TMPRSS9: variants seen among roughly 807,000 people sequenced by gnomAD.
The protein encoded by TMPRSS9 is transmembrane protease serine 9.
Under a neutral mutation model 111.4 loss-of-function variants are expected in TMPRSS9, and 113 were observed. The ratio of observed to expected loss-of-function variants is 1.01; its 90% confidence interval spans 0.87 to 1.19. The LOEUF (loss-of-function observed/expected upper bound fraction) is 1.19. TMPRSS9 is among the 50% of genes most tolerant of loss of function. TMPRSS9 has a pLI of 0.00. For missense variants in TMPRSS9, 1,803 were observed against 1,513.1 expected (o/e 1.19, Z -3.18); for synonymous variants, 805 against 659.1 (o/e 1.22, Z -3.39).
At chr19:2,372,072 G>A (rs1330243132) in intron 1 of TMPRSS9, among the ~76,000 whole-genome samples, 1 of 152,208 alleles carries the variant, frequency 6.6e-6, no homozygotes, top group Admixed American at 6.6e-5. Flanking sequence ...GGCCAGGCTG[G>A]TCTCAAACTC....
intron 1 of TMPRSS9, among the ~76,000 whole-genome samples, chr19:2,379,615 C>CTCTT (rs34251969): frequency 0.24 from 28,765 of 118,188 alleles, 3,648 homozygotes; most frequent in Admixed American, 0.26. Flanking sequence ...AACTTTCTTT[C>CTCTT]TCTTTCTTTC....
intron 12 of TMPRSS9, among the ~76,000 whole-genome samples, chr19:2,417,451 G>A: frequency 6.8e-6 from 1 of 147,676 alleles, no homozygotes; most frequent in South Asian, 2.1e-4. Flanking sequence ...GGGTGACAGA[G>A]CGAGACTCCC....
At position 2,421,968 on chromosome 19, in the gene TMPRSS9, C is replaced by T. The variant is rs567914070; in HGVS notation, c.2269C>T (p.Arg757Cys). ...GGTTAAGAAGCCGGGCGTGTACACG[C>T]GCATCACCAGGCTAAAGGGCTGGAT... is the stretch of plus-strand genomic sequence containing the variant. Residue 757 changes from arginine (R) to cysteine (C), a missense_variant, in exon 14 of 18, where the codon CGC (arginine) becomes TGC (cysteine). Arg to Cys is a radical substitution (Grantham distance 180). Coordinates refer to ENST00000648592, the Ensembl canonical transcript of TMPRSS9. The T allele has an allele frequency of 2.2e-5, 36 of 1,613,212 alleles. No individual in the cohort carries two copies. Among genetic ancestry groups the T allele is most frequent in the South Asian group, 1.5e-4 (14 of 91,092 alleles).
rs558396344 is a variant in TMPRSS9, at chr19:2,361,393, G to A, written c.-26+1033G>A. Among the ~76,000 whole-genome samples, 93 of 150,118 alleles carry A rather than the reference G, an allele frequency of 6.2e-4. 1 individual carries two copies. Among genetic ancestry groups the A allele is most frequent in the African/African-American group, 2.0e-3 (82 of 40,802 alleles). On this transcript the variant is annotated intron_variant, in intron 1 of 17. Transcript: ENST00000649857. Reference sequence around the variant, plus strand: ...GGGAGGGGGGGCTGGGGTGGGAGGCGGGGCTGGAGTGGGTGCCAGGCATCT... The same window carrying A: ...GGGAGGGGGGGCTGGGGTGGGAGGCAGGGCTGGAGTGGGTGCCAGGCATCT...
upstream of TMPRSS9, among the ~76,000 whole-genome samples, chr19:2,388,230 A>G (rs1431388042): frequency 6.6e-6 from 1 of 151,998 alleles, no homozygotes; most frequent in Non-Finnish European, 1.5e-5. Flanking sequence ...CCTCTCTACA[A>G]AAAACTTAAT....
chr19:2,376,862 G>A (rs1212623925), intron 1 of TMPRSS9, among the ~76,000 whole-genome samples: 2 of 152,078 alleles, frequency 1.3e-5, no homozygotes, highest in Non-Finnish European at 2.9e-5. Flanking sequence ...AGATTCTGCC[G>A]CCTGATTTCT....
chr19:2,372,251 A>T (rs1436761363), intron 1 of TMPRSS9, among the ~76,000 whole-genome samples: 2 of 151,900 alleles, frequency 1.3e-5, no homozygotes, highest in African/African-American at 4.8e-5. Flanking sequence ...CAGGCGGGCG[A>T]GTCTCCTCCT....
At chr19:2,396,614 G>C in exon 2 of TMPRSS9, 2 of 1,604,104 alleles carry the variant, frequency 1.2e-6, no homozygotes, top group Admixed American at 3.5e-5. Context: ...AGCAGTTTGC[G>C]GCGGGAGACC....
At chr19:2,376,584 C>G (rs540332986) in intron 1 of TMPRSS9, among the ~76,000 whole-genome samples, 5 of 152,168 alleles carry the variant, frequency 3.3e-5, no homozygotes, top group East Asian at 1.9e-4. Flanking sequence ...CTCAGCCTCT[C>G]GAGTAGCTGG....
chr19:2,417,935 C>G, intron 12 of TMPRSS9, 67 bp from the exon 14 acceptor site: 1 of 1,591,522 alleles, frequency 6.3e-7, no homozygotes, highest in Non-Finnish European at 8.6e-7. Context: ...GGGCTGTTAT[C>G]GGAGCGGAAC....
rs186629672 is a variant in TMPRSS9, at chr19:2,397,751, C to A, written c.271-1044C>A. Among the ~76,000 whole-genome samples the A allele has an allele frequency of 1.7e-3, 265 of 151,568 alleles. 3 individuals carry two copies. Among genetic ancestry groups the A allele is most frequent in the African/African-American group, 6.2e-3 (257 of 41,380 alleles). On this transcript the variant is annotated intron_variant, in intron 2 of 17. Transcript: ENST00000648592. ...CCTGAGCAACATGACAAAATCCCAC[C>A]ATTAGTAAAAACACAAAAATTAGCG...
rs1970860289 is a variant in TMPRSS9 at position 2,402,019 on chromosome 19, A to G, written c.556+3A>G. ...GGCAGAAAGAGACTTCAAATCAGGT[A>G]TGTTTTTCTCTCTGGCCTTTTCTCT... On this transcript the variant is annotated splice_donor_region_variant and intron_variant, in intron 5 of 17. Coordinates refer to ENST00000648592, the Ensembl canonical transcript of TMPRSS9. 6.2e-7 allele frequency: 1 copy of G among 1,607,540 alleles called. No individual in the cohort carries two copies. Among genetic ancestry groups the G allele is most frequent in the South Asian group, 1.1e-5 (1 of 90,962 alleles).
chr19:2,379,661 CT>C (rs1422812836), intron 1 of TMPRSS9, among the ~76,000 whole-genome samples: 3 of 148,910 alleles, frequency 2.0e-5, no homozygotes, highest in African/African-American at 7.5e-5. Flanking sequence ...TTCTTTCTTT[CT>C]TTCTTTCTTT....
chr19:2,425,346 C>T lies in TMPRSS9; in HGVS notation c.2984-11C>T. 3 of 1,472,230 alleles carry T rather than the reference C, an allele frequency of 2.0e-6. No homozygotes were observed. The highest frequency in any genetic ancestry group is 2.5e-5 in the South Asian group (2 of 78,746). The allele number at this position is 1,472,230 out of a possible 1,614,324, so 91.2% of individuals were successfully genotyped here. A position where few individuals can be genotyped will look rare whatever the true frequency, so the allele number is the denominator to read the frequency against. On this transcript the variant is annotated splice_polypyrimidine_tract_variant and intron_variant, in intron 16 of 17. Transcript: ENST00000648592. ...GTCCCCACCCGCCCCGTCTCGCTCG[C>T]CCGCCCGCAGGCTCCATGGCGCGGC...
At chr19:2,385,056 G>C (rs1970447334), upstream of TMPRSS9, among the ~76,000 whole-genome samples, 4 of 151,770 alleles carry the variant, frequency 2.6e-5, no homozygotes. Context: ...AGCACTTTGG[G>C]AGGCCGAGGC....
chr19:2,374,331 G>A (rs1312131878), intron 1 of TMPRSS9, among the ~76,000 whole-genome samples: 1 of 142,322 alleles, frequency 7.0e-6, no homozygotes, highest in African/African-American at 2.6e-5. Context: ...CCCGCACTTT[G>A]GGAGGCCGAG....
At chr19:2,411,070 C>A (rs917093935) in intron 9 of TMPRSS9, among the ~76,000 whole-genome samples, 2 of 151,802 alleles carry the variant, frequency 1.3e-5, no homozygotes, top group African/African-American at 2.4e-5. Flanking sequence ...GAGGCCAAGG[C>A]GGGTGGATCA....
intron 1 of TMPRSS9, among the ~76,000 whole-genome samples, chr19:2,394,595 G>A (rs960807674): frequency 3.0e-4 from 4 of 13,346 alleles, no homozygotes; most frequent in African/African-American, 1.1e-3. Context: ...GGGTGCTCGT[G>A]TTTCTTTAGT....
At chr19:2,417,716 C>A (rs1051519405) in intron 12 of TMPRSS9, among the ~76,000 whole-genome samples, 3 of 152,150 alleles carry the variant, frequency 2.0e-5, no homozygotes, top group Non-Finnish European at 4.4e-5. Context: ...CCCTCCCACT[C>A]CAACAGTTAA....
Sources: gnomAD v4.1 joint callset for allele counts (sites outside exome capture counted in the v4.1 genomes callset) on GRCh38, gnomAD v4.1.1 for gene constraint, MANE v1.5 for transcripts, NCBI Gene and HGNC (gene_info 2026-07-23, HGNC 2026-07-21) for gene names.